The following SORCS2 variants were observed in gnomAD, a reference collection of about 807,000 sequenced individuals.
SORCS2 encodes the protein VPS10 domain-containing receptor SorCS2.
In SORCS2, 100 loss-of-function variants were observed where a neutral mutation model predicts 141.6. The ratio of observed to expected loss-of-function variants is 0.71; its 90% CI spans 0.60 to 0.83. SORCS2 has a LOEUF of 0.83. Ranked by LOEUF, SORCS2 falls within the 40% of genes least tolerant of loss-of-function variation. The pLI is 0.00. For synonymous variants in SORCS2, 789 were observed against 676.9 expected (o/e 1.17, Z -2.57); for missense variants, 1,646 against 1,560.2 (o/e 1.05, Z -0.93).
At chr4:7,273,374 G>C (rs1354479080) in intron 1 of SORCS2, among the ~76,000 whole-genome samples, 2 of 152,122 alleles carry the variant, frequency 1.3e-5, no homozygotes, top group African/African-American at 4.8e-5. Flanking sequence ...CTGTCTTGGG[G>C]ACCATGGCAT....
intron 1 of SORCS2, among the ~76,000 whole-genome samples, chr4:7,334,360 C>T (rs1162498546): frequency 6.6e-6 from 1 of 152,024 alleles, no homozygotes; most frequent in African/African-American, 2.4e-5. Context: ...CCTCCCTGTC[C>T]CCCTGGTCAG....
chr4:7,527,812 G>A (rs944835510), intron 2 of SORCS2, among the ~76,000 whole-genome samples: 1 of 152,146 alleles, frequency 6.6e-6, no homozygotes, highest in South Asian at 2.1e-4. Context: ...AGGTGAGCAG[G>A]GAGATGTAGG....
intron 2 of SORCS2, among the ~76,000 whole-genome samples, chr4:7,464,446 G>A (rs1301872984): frequency 6.6e-6 from 1 of 152,096 alleles, no homozygotes; most frequent in Non-Finnish European, 1.5e-5. Flanking sequence ...GTGGAGGGCT[G>A]GTGGGAGCGG....
intron 20 of SORCS2, among the ~76,000 whole-genome samples, chr4:7,725,959 G>A (rs1727189691): frequency 6.6e-6 from 1 of 152,240 alleles, no homozygotes; most frequent in South Asian, 2.1e-4. Context: ...CTCAGGGTCT[G>A]GGTTCAGGCC....
intron 1 of SORCS2, among the ~76,000 whole-genome samples, chr4:7,374,004 T>A (rs1199544524): frequency 6.6e-6 from 1 of 152,194 alleles, no homozygotes; most frequent in Non-Finnish European, 1.5e-5. Context: ...AAAGATTTCT[T>A]CCCCCTTGTT....
intron 2 of SORCS2, among the ~76,000 whole-genome samples, chr4:7,486,138 G>T (rs1577644143): frequency 1.3e-5 from 2 of 152,148 alleles, no homozygotes; most frequent in East Asian, 3.9e-4. Context: ...TCGTGCGCGT[G>T]ACAGGGACCT....
chr4:7,621,465 A>G (rs1052636548), intron 3 of SORCS2, among the ~76,000 whole-genome samples: 22 of 132,140 alleles, frequency 1.7e-4, no homozygotes, highest in African/African-American at 7.0e-4. Flanking sequence ...GTGAGTGTTT[A>G]TGTGTGTGTC....
chr4:7,545,794 C>A (rs1202432450), intron 3 of SORCS2, among the ~76,000 whole-genome samples: 1 of 152,228 alleles, frequency 6.6e-6, no homozygotes, highest in Non-Finnish European at 1.5e-5. Flanking sequence ...CAGGGAAAAC[C>A]AGAGTGCACG....
intron 1 of SORCS2, among the ~76,000 whole-genome samples, chr4:7,322,883 C>T (rs1394504388): frequency 2.6e-5 from 4 of 152,194 alleles, no homozygotes; most frequent in African/African-American, 9.7e-5. Flanking sequence ...TCCTCAGCCC[C>T]TGCCTGCCTA....
At chr4:7,311,274 T>C (rs112134985) in intron 1 of SORCS2, among the ~76,000 whole-genome samples, 2,458 of 152,346 alleles carry the variant, frequency 0.016, 69 homozygotes, top group African/African-American at 0.055. Flanking sequence ...TTCCCTTTTA[T>C]TCCATCCTTT....
Position 7,193,713 on chromosome 4 carries a change from G to GT in SORCS2, c.480+587_480+588insT, listed in dbSNP as rs1217363630. ...CTGTCTTGAGCTCTTGCTGCCGGTC[G>GT]CCCCGCCTGGATGCACTGGGACCCG... On this transcript the variant is annotated intron_variant, in intron 1 of 26. Coordinates refer to ENST00000507866, the MANE Select transcript of SORCS2 (RefSeq NM_020777.3). This position sits in a 1 kb window ranked among gnomAD's most constrained non-coding sequence, Gnocchi z 4.8. 6.6e-6 allele frequency among the ~76,000 whole-genome samples: 1 copy of GT among 152,154 alleles called. No homozygotes were observed. The highest frequency in any genetic ancestry group is 1.5e-5 in the Non-Finnish European group (1 of 68,026).
At chr4:7,217,681 T>C (rs931655533) in intron 1 of SORCS2, among the ~76,000 whole-genome samples, 1 of 152,128 alleles carries the variant, frequency 6.6e-6, no homozygotes, top group African/African-American at 2.4e-5. Context: ...CCTTCGGCTC[T>C]CCTTGACTCG....
intron 1 of SORCS2, among the ~76,000 whole-genome samples, chr4:7,374,179 CTTTCTTTCTTTCTTTCT>C (rs1560229500): frequency 7.6e-5 from 9 of 118,010 alleles, no homozygotes; most frequent in Non-Finnish European, 1.4e-4. Flanking sequence ...TTCTTTCTTT[CTTTCTTTCTTTCTTTCT>C]TTTTTGCAGA....
intron 3 of SORCS2, among the ~76,000 whole-genome samples, chr4:7,613,763 G>A (rs900188076): frequency 1.3e-5 from 2 of 152,094 alleles, no homozygotes; most frequent in Non-Finnish European, 2.9e-5. Flanking sequence ...CCTTACACTT[G>A]CAGTTCATCC....
intron 1 of SORCS2, among the ~76,000 whole-genome samples, chr4:7,204,158 C>A (rs989802494): frequency 6.6e-6 from 1 of 152,176 alleles, no homozygotes; most frequent in African/African-American, 2.4e-5. Context: ...TCCCTGCTTT[C>A]AGTCCTTTTG....
At chr4:7,285,940 A>T (rs907981105) in intron 1 of SORCS2, among the ~76,000 whole-genome samples, 2 of 152,112 alleles carry the variant, frequency 1.3e-5, no homozygotes, top group African/African-American at 2.4e-5. Flanking sequence ...CTGGGGCTGC[A>T]GTGTAGCGTG....
intron 11 of SORCS2, among the ~76,000 whole-genome samples, chr4:7,693,406 C>T (rs1249380030): frequency 6.6e-6 from 1 of 152,228 alleles, no homozygotes; most frequent in Non-Finnish European, 1.5e-5. Context: ...AGGGCAGGTC[C>T]TCGGGTTCCT....
At chr4:7,413,895 C>T (rs1263591716) in intron 2 of SORCS2, among the ~76,000 whole-genome samples, 3 of 152,166 alleles carry the variant, frequency 2.0e-5, no homozygotes, top group East Asian at 1.9e-4. Context: ...GTGCCCTTTT[C>T]CTCCTGCCTA....
intron 2 of SORCS2, among the ~76,000 whole-genome samples, chr4:7,486,615 A>T (rs1359154397): frequency 6.6e-6 from 1 of 152,166 alleles, no homozygotes; most frequent in Non-Finnish European, 1.5e-5. Context: ...GACTGCTTCA[A>T]ACAGTAGAGA....
Sources: allele counts gnomAD v4.1 joint callset (sites outside exome capture counted in the v4.1 genomes callset), GRCh38; gene constraint gnomAD v4.1.1; non-coding constraint Gnocchi (gnomAD v3.1); transcripts MANE v1.5; gene names NCBI Gene and HGNC (gene_info 2026-07-23, HGNC 2026-07-21).